NFATC3: variants seen among roughly 807,000 people sequenced by gnomAD.
NFATC3 encodes nuclear factor of activated T-cells, cytoplasmic 3.
In NFATC3, 46 loss-of-function variants were observed where a neutral mutation model predicts 98.6. The observed-to-expected ratio is 0.47, with a 90% CI of 0.37 to 0.60. NFATC3 has a LOEUF of 0.60. Ranked by LOEUF, NFATC3 falls within the 20% of genes least tolerant of loss-of-function variation. The probability of loss-of-function intolerance (pLI) is 0.00; values close to 1 mark genes in which losing one functional copy is unlikely to be tolerated. For missense variants in NFATC3, 1,256 were observed against 1,295.5 expected, an observed-to-expected ratio of 0.97 and a Z score of 0.47; for synonymous variants, 512 against 472.2, an observed-to-expected ratio of 1.08 and a Z score of -1.09.
rs147073241 is a variant in NFATC3 at position 68,153,060 on chromosome 16, C to CA, written c.1402-4808dup. 4.6e-3 allele frequency among the ~76,000 whole-genome samples: 706 copies of CA among 152,294 alleles called. 8 individuals are homozygous for CA. Among genetic ancestry groups the CA allele is most frequent in the African/African-American group, 0.017 (691 of 41,566 alleles). On this transcript the variant is annotated intron_variant, in intron 3 of 9. Transcript: ENST00000346183. ...ACAAGAAAAAGCAGATATCGAATGTCATTCTTTTGAGGCACAGTGGACTGT... is the reference window on the plus strand; with the variant it reads ...ACAAGAAAAAGCAGATATCGAATGTCAATTCTTTTGAGGCACAGTGGACTGT...
At chr16:68,161,609 T>C (rs1265589060) in intron 4 of NFATC3, among the ~76,000 whole-genome samples, 2 of 152,222 alleles carry the variant, frequency 1.3e-5, no homozygotes, top group Non-Finnish European at 2.9e-5. Flanking sequence ...ACGTGGCCTA[T>C]AACAACTTTA....
chr16:68,214,894 C>T (rs1240328617), intron 9 of NFATC3, among the ~76,000 whole-genome samples: 1 of 152,110 alleles, frequency 6.6e-6, no homozygotes, highest in African/African-American at 2.4e-5. Flanking sequence ...GTTTGCACTT[C>T]CGGTAGTCCT....
chr16:68,144,138 A>T (rs1002865751), intron 3 of NFATC3, among the ~76,000 whole-genome samples: 1 of 152,224 alleles, frequency 6.6e-6, no homozygotes. Flanking sequence ...GAACTCTCAA[A>T]ACTCAACAAT....
chr16:68,153,283 A>G (rs1302174431), intron 3 of NFATC3, among the ~76,000 whole-genome samples: 1 of 152,010 alleles, frequency 6.6e-6, no homozygotes, highest in Non-Finnish European at 1.5e-5. Flanking sequence ...TTAGCCGGGG[A>G]TGATGGTGCA....
At chr16:68,159,550 G>A (rs1437362489) in intron 4 of NFATC3, among the ~76,000 whole-genome samples, 1 of 151,770 alleles carries the variant, frequency 6.6e-6, no homozygotes, top group South Asian at 2.1e-4. Flanking sequence ...AGCCTCCTGA[G>A]TAGCTGGGAC....
chr16:68,147,623 T>C (rs2038102120), intron 3 of NFATC3, among the ~76,000 whole-genome samples: 1 of 152,176 alleles, frequency 6.6e-6, no homozygotes, highest in Admixed American at 6.5e-5. Flanking sequence ...GTTGGTCATG[T>C]AGAATAATTT....
intron 8 of NFATC3, among the ~76,000 whole-genome samples, chr16:68,188,380 T>G (rs959232694): frequency 7.9e-5 from 12 of 152,302 alleles, no homozygotes; most frequent in African/African-American, 2.4e-4. Flanking sequence ...GGTCAGCAGC[T>G]GCAGCTGGGT....
intron 6 of NFATC3, among the ~76,000 whole-genome samples, chr16:68,176,785 G>A (rs955217258): frequency 1.3e-5 from 2 of 151,904 alleles, no homozygotes; most frequent in African/African-American, 2.4e-5. Flanking sequence ...TATATATTCC[G>A]GATATCAGAG....
chr16:68,194,182 T>A (rs889016054), intron 9 of NFATC3, among the ~76,000 whole-genome samples: 1 of 152,204 alleles, frequency 6.6e-6, no homozygotes, highest in Non-Finnish European at 1.5e-5. Context: ...ACTGGTTCAA[T>A]CCAGTCTTTT....
chr16:68,160,860 T>A (rs912768588), intron 4 of NFATC3, among the ~76,000 whole-genome samples: 1 of 152,158 alleles, frequency 6.6e-6, no homozygotes, highest in South Asian at 2.1e-4. Context: ...AATTTTTGTA[T>A]TTTTAGTAGA....
chr16:68,178,979 C>T (rs1179206198), intron 6 of NFATC3, among the ~76,000 whole-genome samples: 3 of 152,298 alleles, frequency 2.0e-5, no homozygotes, highest in East Asian at 3.9e-4. Context: ...TAATCTGCTG[C>T]CAGTCTTTCC....
In NFATC3 at chr16:68,191,793, A is replaced by G; in HGVS notation, c.3106+18A>G. Reference sequence around the variant, plus strand: ...AGATGATGGTAAGTTCATCTCTGATATGTTCTTGAAGTAGTGAAGATTCAG... The same window carrying G: ...AGATGATGGTAAGTTCATCTCTGATGTGTTCTTGAAGTAGTGAAGATTCAG... On this transcript the variant is annotated intron_variant, in intron 9 of 9. Transcript: ENST00000346183. The G allele has an allele frequency of 6.2e-7, 1 of 1,613,468 alleles. No individual in the cohort carries two copies. The highest frequency in any genetic ancestry group is 8.5e-7 in the Non-Finnish European group (1 of 1,179,460).
chr16:68,227,809 A>C lies in NFATC3; in HGVS notation c.*1338A>C, dbSNP rs534562677. On this transcript the variant is annotated 3_prime_UTR_variant, in exon 10 of 10. Transcript: ENST00000346183. Reference sequence around the variant, plus strand: ...CGAGTTGGGTACTTTAAAAAAAAAAAAAACCTGCCCTTACCCCTCTCCCTA... The same window carrying C: ...CGAGTTGGGTACTTTAAAAAAAAAACAAACCTGCCCTTACCCCTCTCCCTA... 41 of 152,132 alleles carry C rather than the reference A, an allele frequency of 2.7e-4. No individual in the cohort carries two copies. Among genetic ancestry groups the C allele is most frequent in the African/African-American group, 8.9e-4 (37 of 41,518 alleles). The allele number at this position is 152,132 out of a possible 1,614,324, so 9.4% of individuals were successfully genotyped here.
chr16:68,128,840 C>A (rs1360111976), intron 3 of NFATC3, among the ~76,000 whole-genome samples: 1 of 151,490 alleles, frequency 6.6e-6, no homozygotes, highest in East Asian at 1.9e-4. Context: ...AGAACTGGTG[C>A]TGTAGCTCAT....
At chr16:68,205,083 G>A (rs2041090180) in intron 9 of NFATC3, among the ~76,000 whole-genome samples, 1 of 151,120 alleles carries the variant, frequency 6.6e-6, no homozygotes, top group Admixed American at 6.6e-5. Context: ...TCTCATTTAT[G>A]CTGGAAGATA....
intron 4 of NFATC3, among the ~76,000 whole-genome samples, chr16:68,164,436 A>G (rs551336793): frequency 3.3e-5 from 5 of 152,268 alleles, no homozygotes; most frequent in African/African-American, 1.2e-4. Context: ...GAGAGCGCCT[A>G]ATCTCTTTTC....
Position 68,167,032 on chromosome 16 carries a change from T to A in NFATC3, c.1774+17T>A. 6.2e-7 allele frequency: 1 copy of A among 1,604,596 alleles called. No individual in the cohort carries two copies. The highest frequency in any genetic ancestry group is 8.5e-7 in the Non-Finnish European group (1 of 1,174,936). On this transcript the variant is annotated intron_variant, in intron 5 of 9. Coordinates refer to ENST00000346183, the MANE Select transcript of NFATC3 (RefSeq NM_173165.3). ...TTGAGTGCTGTAAGTGAGCTTGTGA[T>A]GATGTTTTAAGATCTTGTGTATAAT...
At chr16:68,166,767 C>A in intron 4 of NFATC3, 76 bp from the exon 5 acceptor site, 1 of 1,172,108 alleles carries the variant, frequency 8.5e-7, no homozygotes. Flanking sequence ...GACAAATTAA[C>A]AATTTCTATG....
intron 9 of NFATC3, among the ~76,000 whole-genome samples, chr16:68,220,909 ACT>A (rs1184002661): frequency 1.4e-5 from 2 of 146,838 alleles, no homozygotes; most frequent in Non-Finnish European, 3.0e-5. Context: ...ACAGAGGGAG[ACT>A]CTGTCTCAGA....
Sources: gnomAD v4.1 joint callset for allele counts (sites outside exome capture counted in the v4.1 genomes callset) on GRCh38, gnomAD v4.1.1 for gene constraint, MANE v1.5 for transcripts, NCBI Gene and HGNC (gene_info 2026-07-23, HGNC 2026-07-21) for gene names.